The following NLGN4X variants were observed in gnomAD, a reference collection of about 807,000 sequenced individuals.
The protein encoded by NLGN4X is neuroligin 4 X-linked, also known as neuroligin-4, X-linked.
Under a neutral mutation model 40.3 loss-of-function variants are expected in NLGN4X, and 3 were observed. The observed-to-expected ratio is 0.07, with a 90% CI of 0.03 to 0.19. The LOEUF is 0.19. NLGN4X is among the 10% of genes least tolerant of loss of function. The probability of loss-of-function intolerance (pLI) is 1.00; values close to 1 mark genes in which losing one functional copy is unlikely to be tolerated. For synonymous variants in NLGN4X, 270 were observed against 306.8 expected (o/e 0.88, Z 1.25); for missense variants, 382 against 708.3 (o/e 0.54, Z 5.23).
intron 3 of NLGN4X, among the ~76,000 whole-genome samples, chrX:6,016,311 C>T (rs2036394482): frequency 1.8e-5 from 2 of 111,842 alleles, no homozygotes; most frequent in South Asian, 7.5e-4. Context: ...GGTATCATTT[C>T]TTGAGTAGAT....
At chrX:5,965,905 T>A (rs995839732) in intron 3 of NLGN4X, among the ~76,000 whole-genome samples, 4 of 111,642 alleles carry the variant, frequency 3.6e-5, no homozygotes, top group Admixed American at 9.5e-5. Context: ...CCAAACCCCA[T>A]AAAAAATCCA....
intron 1 of NLGN4X, among the ~76,000 whole-genome samples, chrX:6,176,057 C>T (rs987146214): frequency 4.5e-5 from 5 of 111,544 alleles, no homozygotes; most frequent in African/African-American, 1.6e-4. Flanking sequence ...TCAACAAAGA[C>T]GCTCTGCTCT....
intron 2 of NLGN4X, among the ~76,000 whole-genome samples, chrX:6,072,387 T>C (rs746309666): frequency 4.5e-5 from 5 of 111,067 alleles, no homozygotes; most frequent in Non-Finnish European, 7.5e-5. Flanking sequence ...CCTCAAAGTG[T>C]ACGTGATAGA....
chrX:6,196,089 C>T (rs1923020641), intron 1 of NLGN4X, among the ~76,000 whole-genome samples: 1 of 111,505 alleles, frequency 9.0e-6, no homozygotes, highest in Admixed American at 9.5e-5. Context: ...GAGCCACCAC[C>T]CCCAGCCTAT....
intron 2 of NLGN4X, among the ~76,000 whole-genome samples, chrX:6,107,072 CAAT>C (rs1305103954): frequency 8.9e-6 from 1 of 112,597 alleles, no homozygotes; most frequent in Non-Finnish European, 1.9e-5. Context: ...GATTTGTGGA[CAAT>C]GATGAGCTTG....
At chrX:6,090,209 A>C (rs1426872787) in intron 2 of NLGN4X, among the ~76,000 whole-genome samples, 2 of 111,604 alleles carry the variant, frequency 1.8e-5, no homozygotes, top group African/African-American at 6.5e-5. Flanking sequence ...TTGAGTGTTT[A>C]ACCTTACTCT....
At chrX:6,026,960 T>C (rs2036712360) in intron 3 of NLGN4X, among the ~76,000 whole-genome samples, 1 of 111,287 alleles carries the variant, frequency 9.0e-6, no homozygotes, top group Non-Finnish European at 1.9e-5. Flanking sequence ...ACAACTGAGC[T>C]TTAGGGGGAA....
chrX:5,976,338 G>A (rs776730210), intron 3 of NLGN4X, among the ~76,000 whole-genome samples: 64 of 112,131 alleles, frequency 5.7e-4, no homozygotes, highest in Non-Finnish European at 9.2e-4. Context: ...GGCTAGGGAA[G>A]GGAATCTTCC....
In NLGN4X at chrX:5,903,726, G is replaced by C. The variant is rs755842142; in HGVS notation, c.952C>G (p.Leu318Val). 2.5e-6 allele frequency: 3 copies of C among 1,210,047 alleles called. No homozygotes were observed. Among genetic ancestry groups the C allele is most frequent in the East Asian group, 5.9e-5 (2 of 33,730 alleles). ...AGCTCCTTGTAGTTCTTGTTCCGCA[G>C]GCATTCTACCATGTCCGTGGTGTCC... is the stretch of plus-strand genomic sequence containing the variant. The part of the protein sequence containing the change: ...MLDTTDMVEC[L>V]RNKNYKELIQ... The change falls in exon 5 of 6, where the codon CTG becomes GTG. Residue 318 changes from leucine (L) to valine (V), a missense_variant. By Grantham distance (32) the Leu-to-Val change is conservative (BLOSUM62 1). Coordinates refer to ENST00000381095, the MANE Select transcript of NLGN4X (RefSeq NM_181332.3).
rs140423424 is a variant in NLGN4X at position 6,001,007 on chromosome X, C to T, written c.625+28273G>A. On this transcript the variant is annotated intron_variant, in intron 3 of 5. Transcript: ENST00000381095. ...GTCCTCAGGAAACTTACAATCATGGCGGAAGGGGAAGCAAATATGTCCTTC... is the reference window on the plus strand; with the variant it reads ...GTCCTCAGGAAACTTACAATCATGGTGGAAGGGGAAGCAAATATGTCCTTC... 5.5e-3 allele frequency among the ~76,000 whole-genome samples: 612 copies of T among 111,425 alleles called. 2 individuals are homozygous for T. The highest frequency in any genetic ancestry group is 0.019 in the African/African-American group (584 of 30,685).
intron 3 of NLGN4X, among the ~76,000 whole-genome samples, chrX:5,970,041 G>T (rs2034976318): frequency 1.3e-5 from 1 of 74,791 alleles, no homozygotes; most frequent in African/African-American, 5.1e-5. Flanking sequence ...GGGGAGGGGG[G>T]AGGGATAGCA....
intron 3 of NLGN4X, among the ~76,000 whole-genome samples, chrX:6,026,262 C>T (rs1161105006): frequency 1.8e-5 from 2 of 109,518 alleles, no homozygotes; most frequent in Admixed American, 9.7e-5. Flanking sequence ...AATCTTAAAA[C>T]AATATTTTTC....
chrX:6,216,656 CTGTT>C (rs1397744048), intron 1 of NLGN4X, among the ~76,000 whole-genome samples: 56 of 107,112 alleles, frequency 5.2e-4, no homozygotes, highest in African/African-American at 1.8e-3. Flanking sequence ...GCAAACTCCT[CTGTT>C]TGGTTTTTGT....
At chrX:5,992,751 A>T (rs771672043) in intron 3 of NLGN4X, among the ~76,000 whole-genome samples, 1 of 111,222 alleles carries the variant, frequency 9.0e-6, no homozygotes, top group East Asian at 2.8e-4. Flanking sequence ...GTGTGCGCAG[A>T]TCATATGGTG....
intron 3 of NLGN4X, among the ~76,000 whole-genome samples, chrX:6,004,091 TAAGA>T (rs763410782): frequency 1.8e-5 from 2 of 112,445 alleles, no homozygotes; most frequent in African/African-American, 6.5e-5. Context: ...CCTGTTTCAT[TAAGA>T]AACTGTTAAA....
intron 1 of NLGN4X, among the ~76,000 whole-genome samples, chrX:6,164,242 G>A: frequency 8.9e-6 from 1 of 112,612 alleles, no homozygotes; most frequent in East Asian, 2.8e-4. Context: ...CTGCAATTTA[G>A]CAAACAAAAT....
intron 2 of NLGN4X, among the ~76,000 whole-genome samples, chrX:6,077,288 G>GTC (rs56230662): frequency 1.3e-4 from 13 of 100,840 alleles, no homozygotes; most frequent in African/African-American, 2.8e-4. Flanking sequence ...GTGTGTGTGT[G>GTC]TGTGTGTCTG....
intron 1 of NLGN4X, among the ~76,000 whole-genome samples, chrX:6,208,746 A>T (rs780617392): frequency 8.9e-6 from 1 of 111,905 alleles, no homozygotes; most frequent in Non-Finnish European, 1.9e-5. Flanking sequence ...GTTGATGAGG[A>T]TGCAGAGAGA....
At chrX:5,962,039 T>C in intron 3 of NLGN4X, among the ~76,000 whole-genome samples, 1 of 112,333 alleles carries the variant, frequency 8.9e-6, no homozygotes, top group East Asian at 2.8e-4. Context: ...GAGGTGGTTC[T>C]GTCTCCATGT....
Sources: allele counts gnomAD v4.1 joint callset (sites outside exome capture counted in the v4.1 genomes callset), GRCh38; gene constraint gnomAD v4.1.1; transcripts MANE v1.5; gene names NCBI Gene and HGNC (gene_info 2026-07-23, HGNC 2026-07-21).